PCDHGA1: variants seen among roughly 807,000 people sequenced by gnomAD.
The protein encoded by PCDHGA1 is protocadherin gamma-A1.
A neutral mutation model predicts 58.0 loss-of-function variants in PCDHGA1; 32 were observed. That is an observed-to-expected ratio of 0.55 (90% CI 0.42 to 0.74). PCDHGA1 has a LOEUF of 0.74. PCDHGA1 is among the 30% of genes least tolerant of loss of function. The pLI is 0.00. For synonymous variants in PCDHGA1, 498 were observed against 501.1 expected (o/e 0.99, Z 0.08); for missense variants, 1,205 against 1,182.3 (o/e 1.02, Z -0.28).
chr5:141,477,219 G>A lies in PCDHGA1; in HGVS notation c.2422-17588G>A. ...CCAGTACCCGAGGATGCCCCTCTGG[G>A]GACTGTCATCGCTTTGCTCAGTGTG... On this transcript the variant is annotated intron_variant, in intron 1 of 3. Coordinates refer to ENST00000517417, the MANE Select transcript of PCDHGA1 (RefSeq NM_018912.3). The surrounding 1 kb of genome is among the most constrained non-coding windows in gnomAD (Gnocchi z 4.9). 1 of 1,614,162 alleles carries A rather than the reference G, an allele frequency of 6.2e-7. No homozygotes were observed. The highest frequency in any genetic ancestry group is 8.5e-7 in the Non-Finnish European group (1 of 1,180,038).
Position 141,476,370 on chromosome 5 carries a change from A to G in PCDHGA1, c.2422-18437A>G, listed in dbSNP as rs747703594. 13 of 1,613,882 alleles carry G rather than the reference A, an allele frequency of 8.1e-6. No individual in the cohort carries two copies. In the East Asian group the frequency reaches 2.7e-4, roughly 33 times the overall value. On this transcript the variant is annotated intron_variant, in intron 1 of 3. Transcript: ENST00000517417. This position sits in a 1 kb window ranked among gnomAD's most constrained non-coding sequence, Gnocchi z 7.6. ...TTTGAGGTGAACCGGGAGACCGGAG[A>G]GATGTTTGTGAACGACCGTCTGGAT...
At chr5:141,460,787 C>T (rs1177595415) in intron 1 of PCDHGA1, among the ~76,000 whole-genome samples, 1 of 151,504 alleles carries the variant, frequency 6.6e-6, no homozygotes, top group Non-Finnish European at 1.5e-5. Context: ...TACATATATA[C>T]ACACAAAGTA....
chr5:141,371,328 A>G, intron 1 of PCDHGA1: 1 of 1,614,010 alleles, frequency 6.2e-7, no homozygotes, highest in Non-Finnish European at 8.5e-7. Flanking sequence ...CTTTGAAGAG[A>G]GAGATAGCTA....
chr5:141,399,817 G>T (rs369747431), intron 1 of PCDHGA1: 1 of 1,613,224 alleles, frequency 6.2e-7, no homozygotes, highest in South Asian at 1.1e-5. Flanking sequence ...CCCCGCGCTG[G>T]GTCCCGACGG....
chr5:141,403,969 T>C (rs1437416293), intron 1 of PCDHGA1: 2 of 1,613,808 alleles, frequency 1.2e-6, no homozygotes, highest in Non-Finnish European at 1.7e-6. Context: ...CGGTGGAAGA[T>C]GTAAATGACA....
At chr5:141,389,243 T>C (rs370534911) in intron 1 of PCDHGA1, 4 of 1,614,056 alleles carry the variant, frequency 2.5e-6, no homozygotes, top group Non-Finnish European at 3.4e-6. Flanking sequence ...TCTCACAGTC[T>C]TCCTATATAG....
chr5:141,490,180 C>T lies in PCDHGA1; in HGVS notation c.2422-4627C>T, dbSNP rs747366205. On this transcript the variant is annotated intron_variant, in intron 1 of 3. Coordinates refer to ENST00000517417, the MANE Select transcript of PCDHGA1 (RefSeq NM_018912.3). This position sits in a 1 kb window ranked among gnomAD's most constrained non-coding sequence, Gnocchi z 5.4. ...GGGTCCCATAGACTTTGAGGAGTCACGTTTCTATGAAATTCATGCAAGAGC... is the reference window on the plus strand; with the variant it reads ...GGGTCCCATAGACTTTGAGGAGTCATGTTTCTATGAAATTCATGCAAGAGC... 3 of 1,614,208 alleles carry T rather than the reference C, an allele frequency of 1.9e-6. No individual in the cohort carries two copies. Among genetic ancestry groups the T allele is most frequent in the East Asian group, 2.2e-5 (1 of 44,882 alleles).
chr5:141,389,156 T>TC, intron 1 of PCDHGA1: 1 of 1,613,950 alleles, frequency 6.2e-7, no homozygotes, highest in Non-Finnish European at 8.5e-7. Context: ...CGGCAACAGA[T>TC]CGGGGCAAGC....
chr5:141,374,004 G>A (rs1770021331), intron 1 of PCDHGA1: 3 of 1,327,578 alleles, frequency 2.3e-6, no homozygotes, highest in African/African-American at 1.5e-5. Flanking sequence ...GACCTTCACC[G>A]CTATTTCTGA....
At chr5:141,478,236 T>C (rs2099440813) in intron 1 of PCDHGA1, 3 of 1,614,156 alleles carry the variant, frequency 1.9e-6, no homozygotes, top group Non-Finnish European at 2.5e-6. Flanking sequence ...GGGTTTGTGG[T>C]CACAGTGTTC....
intron 1 of PCDHGA1, among the ~76,000 whole-genome samples, chr5:141,479,138 T>G (rs1469363480): frequency 6.6e-6 from 1 of 152,232 alleles, no homozygotes; most frequent in Non-Finnish European, 1.5e-5. Flanking sequence ...GCACCCTGCT[T>G]ACAAAATATT....
At chr5:141,399,609 T>C in intron 1 of PCDHGA1, 2 of 1,613,918 alleles carry the variant, frequency 1.2e-6, no homozygotes, top group Non-Finnish European at 1.7e-6. Flanking sequence ...ACCTAGAGCC[T>C]CTGGCACTGG....
intron 1 of PCDHGA1, among the ~76,000 whole-genome samples, chr5:141,400,891 A>G (rs1266926061): frequency 6.6e-6 from 1 of 152,222 alleles, no homozygotes; most frequent in African/African-American, 2.4e-5. Context: ...GTATGTAATC[A>G]TTTAATTCAT....
In PCDHGA1 at chr5:141,330,951, G is replaced by A. The variant is rs1174891971; in HGVS notation, c.267G>A (p.Arg89=). 6.2e-7 allele frequency: 1 copy of A among 1,614,102 alleles called. No individual in the cohort carries two copies. The highest frequency in any genetic ancestry group is 1.3e-5 in the African/African-American group (1 of 74,938). ...GTGGCAGCTTGATCACCGCGCGCAG[G>A]ATAGACCGGGAGGAGCTCTGCGCTC... ...PRSGSLITAR[R]IDREELCAQS... The change falls in exon 1 of 4, where the codon AGG becomes AGA. Residue 89 remains arginine, a synonymous_variant. Transcript: ENST00000517417.
intron 1 of PCDHGA1, among the ~76,000 whole-genome samples, chr5:141,465,576 C>T (rs1002696285): frequency 6.6e-6 from 1 of 152,136 alleles, no homozygotes; most frequent in Non-Finnish European, 1.5e-5. Context: ...TCTCAAAACA[C>T]TCTCATAATA....
chr5:141,385,620 T>G (rs2090301137), intron 1 of PCDHGA1: 1 of 1,063,712 alleles, frequency 9.4e-7, no homozygotes, highest in Middle Eastern at 3.9e-4. Flanking sequence ...TTTTATACAT[T>G]GGAATGAATC....
intron 1 of PCDHGA1, chr5:141,398,485 A>G: frequency 6.2e-7 from 1 of 1,608,602 alleles, no homozygotes; most frequent in Non-Finnish European, 8.5e-7. Context: ...TTATCACGTG[A>G]ATGTGGAGAT....
Position 141,431,103 on chromosome 5 carries a change from A to C in PCDHGA1, c.2422-63704A>C, listed in dbSNP as rs769542343. On this transcript the variant is annotated intron_variant, in intron 1 of 3. Coordinates refer to ENST00000517417, the MANE Select transcript of PCDHGA1 (RefSeq NM_018912.3). This position sits in a 1 kb window ranked among gnomAD's most constrained non-coding sequence, Gnocchi z 4.8. ...GACATTCTGATGGAGGATAAAGTGA[A>C]AATATATGGAGTAGAAGTAGAAGTA... 6.2e-7 allele frequency: 1 copy of C among 1,614,246 alleles called. No individual in the cohort carries two copies.
intron 1 of PCDHGA1, chr5:141,356,367 T>A: frequency 6.4e-7 from 1 of 1,559,764 alleles, no homozygotes; most frequent in South Asian, 1.2e-5. Context: ...TTCCAGATAA[T>A]CTGCCATTCA....
Sources: gnomAD v4.1 joint callset for allele counts (sites outside exome capture counted in the v4.1 genomes callset) on GRCh38, gnomAD v4.1.1 for gene constraint, Gnocchi (gnomAD v3.1) non-coding constraint, MANE v1.5 for transcripts, NCBI Gene and HGNC (gene_info 2026-07-23, HGNC 2026-07-21) for gene names.